DOCK2: variants seen among roughly 807,000 people sequenced by gnomAD.
DOCK2 encodes the protein dedicator of cytokinesis protein 2.
A neutral mutation model predicts 248.9 loss-of-function variants in DOCK2; 87 were observed. That is an observed-to-expected ratio of 0.35 (90% confidence interval 0.29 to 0.42). DOCK2 has a LOEUF of 0.42. Ranked by LOEUF, DOCK2 falls within the 10% of genes least tolerant of loss-of-function variation. The pLI, the probability that DOCK2 is intolerant of heterozygous loss-of-function variation, is 1.00. For missense variants in DOCK2, 1,747 were observed against 2,300.2 expected (o/e 0.76, Z 4.92); for synonymous variants, 805 against 821.6 (o/e 0.98, Z 0.35).
chr5:169,867,435 GTCTA>G (rs1472333370), intron 27 of DOCK2, among the ~76,000 whole-genome samples: 3 of 118,944 alleles, frequency 2.5e-5, no homozygotes, highest in South Asian at 2.8e-4. Context: ...CTGTCTGTCT[GTCTA>G]TCTATCTATC....
At chr5:169,959,373 GA>G (rs796836948) in intron 27 of DOCK2, among the ~76,000 whole-genome samples, 5,495 of 135,120 alleles carry the variant, frequency 0.041, 305 homozygotes, top group African/African-American at 0.13. Context: ...CGTCTCAAAA[GA>G]AAAAAAAAAA....
chr5:169,689,177 A>T (rs982530300), intron 8 of DOCK2, 75 bp from the exon 9 acceptor site: 28 of 1,441,024 alleles, frequency 1.9e-5, no homozygotes, highest in Non-Finnish European at 2.5e-5. Flanking sequence ...CACATAGTAG[A>T]TGCTTGGTGA....
At chr5:170,034,292 T>C in intron 34 of DOCK2, 107 bp from the exon 35 acceptor site, 1 of 1,395,900 alleles carries the variant, frequency 7.2e-7, no homozygotes, top group South Asian at 1.4e-5. Flanking sequence ...GTCAGGGAAC[T>C]TGGGTTGACT....
chr5:169,824,426 T>C (rs1365770239), intron 26 of DOCK2, among the ~76,000 whole-genome samples: 2 of 152,134 alleles, frequency 1.3e-5, no homozygotes, highest in African/African-American at 4.8e-5. Flanking sequence ...AAAACAGAGA[T>C]ATAGACCAAT....
At chr5:169,977,940 C>T (rs1384818202) in intron 27 of DOCK2, among the ~76,000 whole-genome samples, 1 of 152,152 alleles carries the variant, frequency 6.6e-6, no homozygotes, top group Non-Finnish European at 1.5e-5. Flanking sequence ...AACCAGATGG[C>T]AGACATGGGG....
Position 169,954,796 on chromosome 5 carries a change from C to T in DOCK2, c.2800-28272C>T, listed in dbSNP as rs535142727. Among the ~76,000 whole-genome samples the T allele has an allele frequency of 9.9e-5, 15 of 152,238 alleles. No individual in the cohort carries two copies. The East Asian group carries it at 1.2e-3, about 12-fold the overall frequency. On this transcript the variant is annotated intron_variant, in intron 27 of 51. Coordinates refer to ENST00000520908, the MANE Select transcript of DOCK2 (RefSeq NM_004946.3). ...GGGGAGTGACCTCATGAGAGGTCAA[C>T]GCAGCTGATGCTGGGAAGGCTCATA...
chr5:169,790,871 C>T (rs1303849928), intron 25 of DOCK2, among the ~76,000 whole-genome samples: 2 of 152,208 alleles, frequency 1.3e-5, no homozygotes, highest in Non-Finnish European at 2.9e-5. Flanking sequence ...AAACCCAGGT[C>T]TCCCAACCTT....
chr5:170,004,574 C>A (rs1387016412), intron 30 of DOCK2, among the ~76,000 whole-genome samples: 5 of 151,488 alleles, frequency 3.3e-5, no homozygotes, highest in African/African-American at 4.9e-5. Context: ...TGGGTATATA[C>A]CCAAATGACT....
intron 27 of DOCK2, among the ~76,000 whole-genome samples, chr5:169,908,842 G>A (rs1774440460): frequency 1.3e-5 from 2 of 151,382 alleles, no homozygotes; most frequent in African/African-American, 2.4e-5. Flanking sequence ...AGCCTCCTGA[G>A]TAACTGGGAC....
intron 30 of DOCK2, among the ~76,000 whole-genome samples, chr5:170,004,585 A>G (rs1324139920): frequency 6.6e-6 from 1 of 151,570 alleles, no homozygotes; most frequent in Non-Finnish European, 1.5e-5. Flanking sequence ...CCAAATGACT[A>G]TAAATCATGC....
At chr5:169,805,035 T>C (rs762255161) in intron 26 of DOCK2, among the ~76,000 whole-genome samples, 16 of 152,080 alleles carry the variant, frequency 1.1e-4, no homozygotes, top group Non-Finnish European at 1.6e-4. Flanking sequence ...GTCTTACTCA[T>C]AGTGTAGAAA....
intron 26 of DOCK2, among the ~76,000 whole-genome samples, chr5:169,808,887 G>A (rs149361089): frequency 3.9e-4 from 60 of 152,216 alleles, no homozygotes; most frequent in African/African-American, 1.4e-3. Context: ...TGGACATAAG[G>A]AATTCTCAGA....
chr5:169,685,351 T>C (rs914790443), intron 8 of DOCK2, among the ~76,000 whole-genome samples: 3 of 152,174 alleles, frequency 2.0e-5, no homozygotes, highest in Non-Finnish European at 4.4e-5. Flanking sequence ...GAAGAGACTT[T>C]GCTGCTCCTC....
intron 12 of DOCK2, 94 bp downstream of exon 12, chr5:169,699,552 C>G: frequency 8.3e-7 from 1 of 1,197,644 alleles, no homozygotes; most frequent in Non-Finnish European, 1.2e-6. Flanking sequence ...CCCTGGGATA[C>G]TTAGCTTTCC....
At chr5:169,704,943 C>T (rs919172416) in intron 14 of DOCK2, among the ~76,000 whole-genome samples, 5 of 152,156 alleles carry the variant, frequency 3.3e-5, no homozygotes, top group South Asian at 2.1e-4. Flanking sequence ...GGGCAGATCA[C>T]TTGAGGTCAG....
At position 169,846,584 on chromosome 5, in the gene DOCK2, G is replaced by GTA. The variant is rs371264304; in HGVS notation, c.2799+5745_2799+5746dup. 5.0e-4 allele frequency among the ~76,000 whole-genome samples: 69 copies of GTA among 138,578 alleles called. No individual in the cohort carries two copies. The Middle Eastern group carries it at 0.011, about 21-fold the overall frequency. 90.9% of individuals were successfully genotyped at this position (138,578 alleles called of 152,430 possible). On this transcript the variant is annotated intron_variant, in intron 27 of 51. Transcript: ENST00000520908. ...AAGGGAGCATGGTTTGATAGAAAGT[G>GTA]TATATATATATATACACACACATAT...
At chr5:169,690,355 A>C (rs1186449682) in intron 9 of DOCK2, among the ~76,000 whole-genome samples, 1 of 152,196 alleles carries the variant, frequency 6.6e-6, no homozygotes, top group African/African-American at 2.4e-5. Context: ...GCATTGACCA[A>C]ACAGATGAGT....
chr5:169,890,199 A>G (rs1175977479), intron 27 of DOCK2, among the ~76,000 whole-genome samples: 1 of 152,098 alleles, frequency 6.6e-6, no homozygotes, highest in African/African-American at 2.4e-5. Flanking sequence ...CCAGACATCT[A>G]ATTACTTTAT....
At chr5:169,982,931 T>A (rs1777979206) in intron 27 of DOCK2, 137 bp from the exon 28 acceptor site, 2 of 772,504 alleles carry the variant, frequency 2.6e-6, no homozygotes, top group Non-Finnish European at 4.3e-6. Context: ...TCGGCACTGC[T>A]ATTACAGTCC....
Sources: gnomAD v4.1 joint callset for allele counts (sites outside exome capture counted in the v4.1 genomes callset) on GRCh38, gnomAD v4.1.1 for gene constraint, MANE v1.5 for transcripts, NCBI Gene and HGNC (gene_info 2026-07-23, HGNC 2026-07-21) for gene names.